Variants in ANK3 observed in about 807,000 individuals in gnomAD.
ANK3 encodes ankyrin-3.
Under a neutral mutation model 370.9 loss-of-function variants are expected in ANK3, and 57 were observed. That is an observed-to-expected ratio of 0.15 (90% confidence interval 0.12 to 0.19). The LOEUF (loss-of-function observed/expected upper bound fraction) is 0.19. Ranked by LOEUF, ANK3 falls within the 10% of genes least tolerant of loss-of-function variation. The probability of loss-of-function intolerance (pLI) is 1.00; values close to 1 mark genes in which losing one functional copy is unlikely to be tolerated. For missense variants in ANK3, 4,439 were observed against 5,302.1 expected (o/e 0.84, Z 5.06); for synonymous variants, 1,929 against 1,946.3 (o/e 0.99, Z 0.23).
intron 2 of ANK3, among the ~76,000 whole-genome samples, chr10:60,487,594 G>A (rs916293670): frequency 6.6e-6 from 1 of 151,828 alleles, no homozygotes; most frequent in African/African-American, 2.4e-5. Flanking sequence ...CATATCTCTG[G>A]GTCCCAGCAA....
chr10:60,545,451 A>AT (rs1488283065), intron 2 of ANK3, among the ~76,000 whole-genome samples: 1 of 151,762 alleles, frequency 6.6e-6, no homozygotes, highest in Non-Finnish European at 1.5e-5. Context: ...GAAAAAAAAA[A>AT]ATAGTTCTAC....
At chr10:60,733,368 C>A in exon 1 of ANK3, 1 of 1,225,378 alleles carries the variant, frequency 8.2e-7, no homozygotes, top group Non-Finnish European at 1.0e-6. Flanking sequence ...AGTCTCTCCT[C>A]CCCGTCCCGC....
intron 32 of ANK3, 33 bp downstream of exon 32, chr10:60,084,569 A>G (rs2086203145): frequency 2.6e-6 from 4 of 1,558,772 alleles, no homozygotes. Flanking sequence ...TGGAGTACGT[A>G]ATGAAATGAA....
At chr10:60,615,090 G>T in intron 2 of ANK3, 1 of 786,108 alleles carries the variant, frequency 1.3e-6, no homozygotes, top group Non-Finnish European at 1.9e-6. Context: ...ACCATCTCCT[G>T]TAAATAATTC....
intron 1 of ANK3, among the ~76,000 whole-genome samples, chr10:60,343,001 A>G (rs1423001107): frequency 6.6e-6 from 1 of 152,182 alleles, no homozygotes; most frequent in Non-Finnish European, 1.5e-5. Context: ...AAACCTATAG[A>G]AAACACTTTG....
chr10:60,233,678 C>A (rs928676715), intron 8 of ANK3, among the ~76,000 whole-genome samples: 5 of 152,138 alleles, frequency 3.3e-5, no homozygotes, highest in African/African-American at 1.2e-4. Context: ...CTCACGTGAT[C>A]CTCCTGCCTT....
At chr10:60,412,884 G>A (rs780992869) in intron 2 of ANK3, among the ~76,000 whole-genome samples, 1 of 152,204 alleles carries the variant, frequency 6.6e-6, no homozygotes, top group Non-Finnish European at 1.5e-5. Flanking sequence ...TGAGGACAGA[G>A]TGCACACCTC....
At position 60,535,763 on chromosome 10, in the gene ANK3, T is replaced by C. The variant is rs117308243; in HGVS notation, c.96+79423A>G. 8.7e-3 allele frequency among the ~76,000 whole-genome samples: 1,321 copies of C among 152,116 alleles called. 21 individuals carry two copies. Among genetic ancestry groups the C allele is most frequent in the East Asian group, 0.057 (294 of 5,140 alleles). On this transcript the variant is annotated intron_variant, in intron 2 of 43. Transcript: ENST00000373827. Reference sequence around the variant, plus strand: ...TATTTTTATGCATAAAGTACAGATATACATATACTACATAAAGAGATAAAA... The same window carrying C: ...TATTTTTATGCATAAAGTACAGATACACATATACTACATAAAGAGATAAAA...
At chr10:60,686,586 G>GT (rs2133396841) in intron 1 of ANK3, among the ~76,000 whole-genome samples, 1 of 152,150 alleles carries the variant, frequency 6.6e-6, no homozygotes, top group South Asian at 2.1e-4. Context: ...ACTATTAAAA[G>GT]TTTTTTATAA....
At chr10:60,466,003 G>A (rs1662505609) in intron 2 of ANK3, among the ~76,000 whole-genome samples, 3 of 152,006 alleles carry the variant, frequency 2.0e-5, no homozygotes, top group Admixed American at 1.3e-4. Flanking sequence ...ACAGTTAGTT[G>A]GAGAGTTGGG....
rs550421652 is a variant in ANK3 at position 60,082,365 on chromosome 10, C to T, written c.4324-189G>A. On this transcript the variant is annotated intron_variant, in intron 34 of 43. Coordinates refer to ENST00000280772, the MANE Select transcript of ANK3 (RefSeq NM_020987.5). The stretch of plus-strand genomic sequence containing the variant: ...ACATCCATGGCAAATTAACATATGA[C>T]GTTATTTAAAAGCATAAAAATCTAT... 2.3e-3 allele frequency: 1,560 copies of T among 672,510 alleles called. 38 individuals are homozygous for T. In the South Asian group the frequency reaches 0.032, roughly 14 times the overall value. The allele number at this position is 672,510 out of a possible 1,614,324, so 41.7% of individuals were successfully genotyped here.
intron 1 of ANK3, among the ~76,000 whole-genome samples, chr10:60,627,972 CT>C (rs559658798): frequency 2.1e-3 from 321 of 152,214 alleles, no homozygotes; most frequent in Non-Finnish European, 3.8e-3. Flanking sequence ...GGGAGTCTAA[CT>C]CCAAAGTTCA....
intron 1 of ANK3, among the ~76,000 whole-genome samples, chr10:60,377,389 T>C (rs1370877401): frequency 2.6e-5 from 4 of 152,370 alleles, no homozygotes; most frequent in Middle Eastern, 3.4e-3. Context: ...CCCTAGACTA[T>C]TGTAAATACA....
In ANK3 at chr10:60,700,003, T is replaced by C. The variant is rs968866482; in HGVS notation, c.57+33260A>G. Among the ~76,000 whole-genome samples the C allele has an allele frequency of 9.2e-5, 14 of 152,284 alleles. No individual in the cohort carries two copies. The South Asian group carries it at 2.9e-3, about 32-fold the overall frequency. ...GATCCCACTGGCTTAGATGCTCATA[T>C]AAATGTTGTTATCAACTGTAGACAC... On this transcript the variant is annotated intron_variant, in intron 1 of 43. Coordinates refer to the ANK3 transcript ENST00000373827.
At chr10:60,597,314 TAAAAC>T (rs938239375) in intron 2 of ANK3, among the ~76,000 whole-genome samples, 8 of 152,158 alleles carry the variant, frequency 5.3e-5, no homozygotes, top group African/African-American at 1.9e-4. Flanking sequence ...GGGAAGCAAA[TAAAAC>T]AGACTGCCGA....
In ANK3 at chr10:60,092,004, C is replaced by T. The variant is rs375392211; in HGVS notation, c.3329-3646G>A. Among the ~76,000 whole-genome samples the T allele has an allele frequency of 3.2e-3, 489 of 152,226 alleles. 3 individuals carry two copies. The highest frequency in any genetic ancestry group is 0.011 in the African/African-American group (446 of 41,552). ...TCAGCCTCCCAAAGTGCTGGGATTA[C>T]GGGCGTGAGCCACCGCGCCAGGCTA... On this transcript the variant is annotated intron_variant, in intron 28 of 43. Transcript: ENST00000280772.
intron 27 of ANK3, chr10:60,108,297 T>G (rs1351618047): frequency 2.6e-6 from 1 of 383,408 alleles, no homozygotes. Flanking sequence ...CTGAATAACA[T>G]CCATGCAGCA....
intron 1 of ANK3, among the ~76,000 whole-genome samples, chr10:60,629,257 G>A (rs1041889974): frequency 3.3e-5 from 5 of 152,042 alleles, no homozygotes; most frequent in South Asian, 4.1e-4. Context: ...AACATTTAAG[G>A]CAATTTAAAT....
intron 1 of ANK3, among the ~76,000 whole-genome samples, chr10:60,707,913 A>G (rs1271914548): frequency 6.6e-6 from 1 of 152,188 alleles, no homozygotes; most frequent in Non-Finnish European, 1.5e-5. Context: ...CAAAAAGGAA[A>G]AAAAGGGAAA....
Sources: gnomAD v4.1 joint callset for allele counts (sites outside exome capture counted in the v4.1 genomes callset) on GRCh38, gnomAD v4.1.1 for gene constraint, MANE v1.5 for transcripts, NCBI Gene and HGNC (gene_info 2026-07-23, HGNC 2026-07-21) for gene names.